COG3: variants seen among roughly 807,000 people sequenced by gnomAD.
The protein encoded by COG3 is conserved oligomeric Golgi complex subunit 3.
A neutral mutation model predicts 114.1 loss-of-function variants in COG3; 32 were observed. The ratio of observed to expected loss-of-function variants is 0.28; its 90% CI spans 0.21 to 0.38. The LOEUF is 0.38. Ranked by LOEUF, COG3 falls within the 10% of genes least tolerant of loss-of-function variation. COG3 has a pLI of 1.00. For missense variants in COG3, 813 were observed against 973.2 expected, an observed-to-expected ratio of 0.84 and a Z score of 2.19; for synonymous variants, 352 against 365.7, an observed-to-expected ratio of 0.96 and a Z score of 0.43.
At chr13:45,502,003 G>A (rs1410991751) in intron 13 of COG3, among the ~76,000 whole-genome samples, 2 of 152,068 alleles carry the variant, frequency 1.3e-5, no homozygotes, top group Admixed American at 6.5e-5. Context: ...AACCTTGCAG[G>A]GATCAGATCC....
intron 8 of COG3, among the ~76,000 whole-genome samples, chr13:45,488,668 G>A (rs1019322901): frequency 1.3e-5 from 2 of 152,038 alleles, no homozygotes; most frequent in Non-Finnish European, 2.9e-5. Flanking sequence ...TTGGGTATGT[G>A]CCTTATTCAT....
intron 22 of COG3, among the ~76,000 whole-genome samples, chr13:45,532,288 C>T (rs192323168): frequency 1.3e-5 from 2 of 152,162 alleles, no homozygotes; most frequent in East Asian, 3.9e-4. Flanking sequence ...CAAAATACTT[C>T]CAAATAATTT....
chr13:45,472,230 T>C (rs978765497), intron 1 of COG3, among the ~76,000 whole-genome samples: 1 of 152,194 alleles, frequency 6.6e-6, no homozygotes, highest in Non-Finnish European at 1.5e-5. Flanking sequence ...TATGTCTTTT[T>C]CCCTCTGGCT....
At chr13:45,517,431 T>G (rs997899959) in intron 17 of COG3, among the ~76,000 whole-genome samples, 1 of 152,210 alleles carries the variant, frequency 6.6e-6, no homozygotes, top group Non-Finnish European at 1.5e-5. Flanking sequence ...CTCTCTCTTG[T>G]CCACCACGGA....
At chr13:45,491,159 A>C (rs1886995948) in intron 9 of COG3, among the ~76,000 whole-genome samples, 1 of 152,142 alleles carries the variant, frequency 6.6e-6, no homozygotes, top group Non-Finnish European at 1.5e-5. Flanking sequence ...TTTGCTTCTT[A>C]TTTGGGCAGA....
chr13:45,530,823 T>C, intron 22 of COG3, 43 bp downstream of exon 22: 1 of 1,586,800 alleles, frequency 6.3e-7, no homozygotes, highest in Non-Finnish European at 8.6e-7. Context: ...TATGCCCTCT[T>C]GGTTATTTCA....
At chr13:45,524,913 C>A in intron 19 of COG3, 63 bp from the exon 20 acceptor site, 2 of 1,209,050 alleles carry the variant, frequency 1.7e-6, no homozygotes, top group Non-Finnish European at 2.4e-6. Context: ...CCCTTGAGAG[C>A]AGTACCAGTT....
At chr13:45,525,465 A>C (rs1242301201) in intron 20 of COG3, among the ~76,000 whole-genome samples, 1 of 152,094 alleles carries the variant, frequency 6.6e-6, no homozygotes, top group Non-Finnish European at 1.5e-5. Flanking sequence ...CATTTTGTCC[A>C]AGTTATCCTC....
intron 2 of COG3, among the ~76,000 whole-genome samples, chr13:45,476,823 C>G (rs1885897459): frequency 6.6e-6 from 1 of 152,164 alleles, no homozygotes; most frequent in South Asian, 2.1e-4. Flanking sequence ...CCTAAACTTA[C>G]AGTAGTTTCT....
rs1242517110 is a variant in COG3, at chr13:45,497,784, TCAA to T, written c.1488+1506_1488+1508del. ...CTGGGTGACAGAGCCAGACCCTGTC[TCAA>T]CAACAACAACAACAACAACAACAAC... is the stretch of plus-strand genomic sequence containing the variant. On this transcript the variant is annotated intron_variant, in intron 13 of 22. Coordinates refer to ENST00000349995, the MANE Select transcript of COG3 (RefSeq NM_031431.4). 2.1e-3 allele frequency among the ~76,000 whole-genome samples: 302 copies of T among 147,240 alleles called. 3 individuals carry two copies. The highest frequency in any genetic ancestry group is 6.4e-3 in the South Asian group (29 of 4,528).
chr13:45,498,616 A>G (rs1393574465), intron 13 of COG3, among the ~76,000 whole-genome samples: 1 of 151,966 alleles, frequency 6.6e-6, no homozygotes, highest in East Asian at 1.9e-4. Context: ...GTTGAAAATC[A>G]GTTGACCATA....
intron 16 of COG3, among the ~76,000 whole-genome samples, chr13:45,515,266 A>G (rs1871424472): frequency 6.6e-6 from 1 of 152,170 alleles, no homozygotes; most frequent in Non-Finnish European, 1.5e-5. Flanking sequence ...TATGTTTATT[A>G]AAATCAGTGG....
At position 45,476,249 on chromosome 13, in the gene COG3, G is replaced by A. The variant is rs41289557; in HGVS notation, c.223G>A (p.Glu75Lys). ...TTTAACATCCCAGTCACTGCCCATT[G>A]AACTGACTTCAGTAGTGCCTGAATC... Reference protein sequence around the residue: ...CSLTSQSLPIELTSVVPESTE... With the variant: ...CSLTSQSLPIKLTSVVPESTE... Residue 75 changes from glutamate (E) to lysine (K), a missense_variant, in exon 2 of 23, where the codon GAA becomes AAA. Coordinates refer to ENST00000349995, the MANE Select transcript of COG3 (RefSeq NM_031431.4). 2.3e-4 allele frequency: 368 copies of A among 1,613,704 alleles called. No individual in the cohort carries two copies. Among genetic ancestry groups the A allele is most frequent in the Non-Finnish European group, 3.0e-4 (355 of 1,179,810 alleles).
At chr13:45,488,536 A>G (rs1460573013) in intron 8 of COG3, among the ~76,000 whole-genome samples, 1 of 152,196 alleles carries the variant, frequency 6.6e-6, no homozygotes, top group Non-Finnish European at 1.5e-5. Flanking sequence ...GATGCAATAT[A>G]AAAAATGGAT....
intron 1 of COG3, among the ~76,000 whole-genome samples, chr13:45,466,226 A>C (rs1016904912): frequency 6.6e-6 from 1 of 152,022 alleles, no homozygotes; most frequent in Admixed American, 6.6e-5. Flanking sequence ...TTTAGTAGAG[A>C]TGGGGTTTCG....
chr13:45,491,376 G>C (rs377628304), intron 9 of COG3, 36 bp from the exon 10 acceptor site: 5 of 1,584,084 alleles, frequency 3.2e-6, no homozygotes, highest in Non-Finnish European at 4.3e-6. Flanking sequence ...TTACATATCT[G>C]AAATGAAAAG....
chr13:45,528,594 A>C (rs1872896687), intron 20 of COG3, among the ~76,000 whole-genome samples: 1 of 152,206 alleles, frequency 6.6e-6, no homozygotes, highest in South Asian at 2.1e-4. Flanking sequence ...ACTACTATTA[A>C]AGTTTCCTTC....
chr13:45,477,403 C>T (rs898569044), intron 2 of COG3, among the ~76,000 whole-genome samples: 1 of 152,070 alleles, frequency 6.6e-6, no homozygotes, highest in Non-Finnish European at 1.5e-5. Flanking sequence ...AATTTATGTA[C>T]AATAAAATGT....
chr13:45,509,143 G>A (rs1265384720), intron 14 of COG3, among the ~76,000 whole-genome samples: 1 of 151,718 alleles, frequency 6.6e-6, no homozygotes, highest in African/African-American at 2.4e-5. Flanking sequence ...AGGTTCAAGC[G>A]ATTTTCCTGC....
Sources: gnomAD v4.1 joint callset for allele counts (sites outside exome capture counted in the v4.1 genomes callset) on GRCh38, gnomAD v4.1.1 for gene constraint, MANE v1.5 for transcripts, NCBI Gene and HGNC (gene_info 2026-07-23, HGNC 2026-07-21) for gene names.